The following CSMD1 variants were observed in gnomAD, a reference collection of about 807,000 sequenced individuals.
The protein encoded by CSMD1 is CUB and sushi domain-containing protein 1.
In CSMD1, 213 loss-of-function variants were observed where a neutral mutation model predicts 417.5. The observed-to-expected ratio is 0.51, with a 90% CI of 0.46 to 0.57. The LOEUF is 0.57. Among genes scored for constraint, CSMD1 ranks in the 20% least tolerant of loss-of-function variants. CSMD1 has a pLI of 0.00. For synonymous variants in CSMD1, 2,862 were observed against 1,736.8 expected (o/e 1.65, Z -16.11); for missense variants, 6,923 against 4,529.7 (o/e 1.53, Z -15.17).
chr8:3,847,142 C>T (rs899668263), intron 5 of CSMD1, among the ~76,000 whole-genome samples: 3 of 152,098 alleles, frequency 2.0e-5, no homozygotes, highest in African/African-American at 4.8e-5. Flanking sequence ...TGGGCAGGAC[C>T]TGTGACTGGC....
At chr8:3,740,073 G>C (rs561724274) in intron 6 of CSMD1, among the ~76,000 whole-genome samples, 3 of 152,216 alleles carry the variant, frequency 2.0e-5, no homozygotes, top group South Asian at 4.1e-4. Context: ...TAGAGTAAAA[G>C]ATGCAACAAA....
intron 5 of CSMD1, among the ~76,000 whole-genome samples, chr8:3,924,177 C>A (rs1033624822): frequency 1.3e-5 from 2 of 152,156 alleles, no homozygotes; most frequent in African/African-American, 4.8e-5. Flanking sequence ...TCTTCGTTGG[C>A]AGCTCTTTAC....
At chr8:3,691,442 G>A (rs185211927) in intron 7 of CSMD1, among the ~76,000 whole-genome samples, 140 of 152,186 alleles carry the variant, frequency 9.2e-4, no homozygotes, top group Middle Eastern at 3.4e-3. Context: ...AGAGAAGATT[G>A]GCGCTTCCTT....
At chr8:3,031,810 A>ATTTGG (rs1235591180) in intron 50 of CSMD1, among the ~76,000 whole-genome samples, 1 of 150,234 alleles carries the variant, frequency 6.7e-6, no homozygotes, top group Non-Finnish European at 1.5e-5. Flanking sequence ...TGAAAATGGT[A>ATTTGG]TTTGGTTTGG....
At chr8:4,689,245 G>A (rs1212665343) in intron 1 of CSMD1, among the ~76,000 whole-genome samples, 5 of 152,144 alleles carry the variant, frequency 3.3e-5, no homozygotes, top group Non-Finnish European at 5.9e-5. Flanking sequence ...TAAACCAAGC[G>A]TAACAGTATG....
chr8:4,672,344 G>A (rs1805381778), intron 1 of CSMD1, among the ~76,000 whole-genome samples: 1 of 152,150 alleles, frequency 6.6e-6, no homozygotes, highest in African/African-American at 2.4e-5. Flanking sequence ...GAGATGGGTT[G>A]GATGCTGACT....
intron 2 of CSMD1, among the ~76,000 whole-genome samples, chr8:4,491,599 T>C (rs1801705335): frequency 6.6e-6 from 1 of 152,058 alleles, no homozygotes; most frequent in Non-Finnish European, 1.5e-5. Context: ...AGACACCTCA[T>C]GAAAAAAGAT....
At chr8:3,892,563 T>TAATAATAA (rs1563184144) in intron 5 of CSMD1, among the ~76,000 whole-genome samples, 7 of 150,746 alleles carry the variant, frequency 4.6e-5, no homozygotes, top group African/African-American at 1.5e-4. Flanking sequence ...AATAATAAGA[T>TAATAATAA]TACTCTAAGT....
At chr8:3,715,599 G>C (rs1012075907) in intron 6 of CSMD1, among the ~76,000 whole-genome samples, 2 of 152,168 alleles carry the variant, frequency 1.3e-5, no homozygotes, top group Non-Finnish European at 1.5e-5. Flanking sequence ...CTGGAGTGCA[G>C]TGACACAATC....
intron 3 of CSMD1, among the ~76,000 whole-genome samples, chr8:4,228,924 C>T (rs563533200): frequency 6.6e-6 from 1 of 152,182 alleles, no homozygotes; most frequent in African/African-American, 2.4e-5. Context: ...GCCTCGGTCT[C>T]CAAAAGTGCT....
intron 12 of CSMD1, among the ~76,000 whole-genome samples, chr8:3,410,267 A>T (rs1396284317): frequency 6.6e-6 from 1 of 152,222 alleles, no homozygotes; most frequent in Non-Finnish European, 1.5e-5. Flanking sequence ...TATTCATTTA[A>T]AAGACTATTT....
intron 7 of CSMD1, among the ~76,000 whole-genome samples, chr8:3,662,505 T>C (rs910479894): frequency 3.9e-5 from 6 of 152,208 alleles, no homozygotes; most frequent in African/African-American, 1.4e-4. Context: ...AACATATGTG[T>C]GCATGTGTCT....
chr8:3,015,373 T>A (rs763972543), intron 52 of CSMD1, among the ~76,000 whole-genome samples: 1 of 152,180 alleles, frequency 6.6e-6, no homozygotes, highest in African/African-American at 2.4e-5. Context: ...TAATTTCCCA[T>A]TTTTTCCTGA....
chr8:3,088,855 A>AAG (rs1814724483), intron 48 of CSMD1, among the ~76,000 whole-genome samples: 1 of 151,578 alleles, frequency 6.6e-6, no homozygotes, highest in African/African-American at 2.4e-5. Flanking sequence ...AAAAAAAAAA[A>AAG]AAAAAAAAGT....
chr8:4,397,158 A>G (rs1804294206), intron 3 of CSMD1, among the ~76,000 whole-genome samples: 1 of 152,160 alleles, frequency 6.6e-6, no homozygotes, highest in Non-Finnish European at 1.5e-5. Context: ...TCTCATTTCT[A>G]CGTCCATGCA....
chr8:4,398,388 CTTTT>C (rs767579097), intron 3 of CSMD1, among the ~76,000 whole-genome samples: 4 of 114,494 alleles, frequency 3.5e-5, no homozygotes, highest in African/African-American at 1.4e-4. Flanking sequence ...GCTGCAACTT[CTTTT>C]TTTTTTTTTT....
chr8:3,288,662 T>C (rs1803329044), intron 25 of CSMD1, among the ~76,000 whole-genome samples: 1 of 147,270 alleles, frequency 6.8e-6, no homozygotes, highest in South Asian at 2.1e-4. Context: ...TTATCATTTT[T>C]TATTGTGTCT....
intron 1 of CSMD1, among the ~76,000 whole-genome samples, chr8:4,840,440 G>A (rs146249537): frequency 6.6e-6 from 1 of 152,142 alleles, no homozygotes; most frequent in African/African-American, 2.4e-5. Context: ...GAAGACTATA[G>A]TCAGTTCTGA....
At chr8:3,707,720 C>G (rs191236406) in intron 7 of CSMD1, among the ~76,000 whole-genome samples, 121 of 152,280 alleles carry the variant, frequency 7.9e-4, no homozygotes, top group Middle Eastern at 3.4e-3. Flanking sequence ...AGCACATAGG[C>G]TGTTGGCTTT....
Sources: gnomAD v4.1 joint callset for allele counts (sites outside exome capture counted in the v4.1 genomes callset) on GRCh38, gnomAD v4.1.1 for gene constraint, MANE v1.5 for transcripts, NCBI Gene and HGNC (gene_info 2026-07-23, HGNC 2026-07-21) for gene names.